LMBRD2: variants seen among roughly 807,000 people sequenced by gnomAD.
LMBRD2 encodes the protein LMBR1 domain containing 2.
LMBRD2 carries 55 observed loss-of-function variants against 94.4 expected under a neutral mutation model. The observed-to-expected ratio is 0.58, with a 90% CI of 0.47 to 0.73. LMBRD2 has a LOEUF of 0.73. LMBRD2 is among the 30% of genes least tolerant of loss of function. The pLI is 0.00. For missense variants in LMBRD2, 640 were observed against 831.9 expected (o/e 0.77, Z 2.84); for synonymous variants, 246 against 272.4 (o/e 0.90, Z 0.95).
intron 4 of LMBRD2, among the ~76,000 whole-genome samples, chr5:36,140,093 G>C (rs1388692883): frequency 6.6e-6 from 1 of 152,214 alleles, no homozygotes; most frequent in African/African-American, 2.4e-5. Context: ...TTGGAGCTCT[G>C]AGGTTTCTGG....
chr5:36,122,571 G>T, intron 8 of LMBRD2, 108 bp from the exon 9 acceptor site: 1 of 975,246 alleles, frequency 1.0e-6, no homozygotes. Context: ...AAGTGCTAGG[G>T]CATTTACTGG....
At chr5:36,137,506 T>G in intron 4 of LMBRD2, 65 bp from the exon 5 acceptor site, 6 of 1,099,238 alleles carry the variant, frequency 5.5e-6, no homozygotes, top group Non-Finnish European at 7.6e-6. Context: ...AATCTCAAAG[T>G]GCCAGAAATA....
intron 14 of LMBRD2, 125 bp downstream of exon 14, chr5:36,111,030 G>T: frequency 1.6e-6 from 1 of 611,026 alleles, no homozygotes; most frequent in East Asian, 3.0e-5. Flanking sequence ...CTAAAAATGT[G>T]CATTAATTCA....
In LMBRD2 at chr5:36,122,292, T is replaced by G; in HGVS notation, c.1108A>C (p.Asn370His). 6.3e-7 allele frequency: 1 copy of G among 1,589,030 alleles called. No individual in the cohort carries two copies. ...TCAAATTACATACCAAATGTAGGAT[T>G]ATAAAAATATTGGATAAATCGATTT... ...PENRFIQYFY[N>H]PTFEWYWECL... Residue 370 changes from asparagine (N) to histidine (H), a missense_variant, in exon 9 of 18, where the codon AAT (asparagine) becomes CAT (histidine). Coordinates refer to ENST00000296603, the MANE Select transcript of LMBRD2 (RefSeq NM_001007527.2).
chr5:36,103,462 T>C lies in LMBRD2; in HGVS notation c.*584A>G, dbSNP rs1345642994. 6.6e-6 allele frequency: 1 copy of C among 152,382 alleles called. No homozygotes were observed. The highest frequency in any genetic ancestry group is 2.4e-5 in the African/African-American group (1 of 41,406). The allele number at this position is 152,382 out of a possible 1,614,324, so 9.4% of individuals were successfully genotyped here. ...TGAAGTATAATCTTAATCTTATACA[T>C]GCAAAAATCCCCCACGAGTTTGCAA... is the stretch of plus-strand genomic sequence containing the variant. On this transcript the variant is annotated 3_prime_UTR_variant, in exon 18 of 18. Coordinates refer to ENST00000296603, the MANE Select transcript of LMBRD2 (RefSeq NM_001007527.2).
At chr5:36,111,811 A>G (rs1458888356) in intron 13 of LMBRD2, among the ~76,000 whole-genome samples, 1 of 152,122 alleles carries the variant, frequency 6.6e-6, no homozygotes. Flanking sequence ...GATAATTTAC[A>G]GATGCCTTCT....
At position 36,104,341 on chromosome 5, in the gene LMBRD2, A is replaced by G. The variant is rs575001925; in HGVS notation, c.2028-235T>C. Among the ~76,000 whole-genome samples, 12 of 152,124 alleles carry G rather than the reference A, an allele frequency of 7.9e-5. No homozygotes were observed. The South Asian group carries it at 2.3e-3, about 29-fold the overall frequency. On this transcript the variant is annotated intron_variant, in intron 17 of 17. Coordinates refer to ENST00000296603, the MANE Select transcript of LMBRD2 (RefSeq NM_001007527.2). ...ATATGCATGACAGAGTGAGAGATGT[A>G]AAAAGAAGGGGGCAGGGGATGTAAG...
intron 6 of LMBRD2, among the ~76,000 whole-genome samples, chr5:36,130,647 T>TA (rs532809259): frequency 2.3e-4 from 35 of 152,118 alleles, no homozygotes; most frequent in Non-Finnish European, 4.3e-4. Context: ...GCTGAATTGA[T>TA]AAAAAAGACA....
chr5:36,119,827 A>G (rs1743844257), intron 9 of LMBRD2, among the ~76,000 whole-genome samples: 1 of 152,040 alleles, frequency 6.6e-6, no homozygotes, highest in African/African-American at 2.4e-5. Context: ...CGATCAGAGA[A>G]TTTTCCCAAG....
intron 16 of LMBRD2, among the ~76,000 whole-genome samples, chr5:36,107,508 T>C (rs974467316): frequency 6.6e-6 from 1 of 152,256 alleles, no homozygotes; most frequent in Non-Finnish European, 1.5e-5. Context: ...CCTCTTCTAT[T>C]AGATCATCAT....
rs1288771664 is a variant in LMBRD2, at chr5:36,122,904, C to G, written c.880G>C (p.Asp294His). ...GRNMDDYEDFDEKHSIYPSEK... is the reference protein window; with the variant it reads ...GRNMDDYEDFHEKHSIYPSEK... ...CTTGGATAGATACTATGCTTTTCATCAAAATCTTCATAATCATCCATGTTC... is the reference window on the plus strand; with the variant it reads ...CTTGGATAGATACTATGCTTTTCATGAAAATCTTCATAATCATCCATGTTC... Residue 294 changes from aspartate to histidine, a missense_variant, in exon 8 of 18, where the codon GAT (aspartate) becomes CAT (histidine). Transcript: ENST00000296603. The G allele has an allele frequency of 6.3e-7, 1 of 1,582,760 alleles. No homozygotes were observed. Among genetic ancestry groups the G allele is most frequent in the Non-Finnish European group, 8.5e-7 (1 of 1,169,802 alleles).
At chr5:36,145,417 G>C (rs1480934896) in intron 1 of LMBRD2, among the ~76,000 whole-genome samples, 1 of 152,184 alleles carries the variant, frequency 6.6e-6, no homozygotes, top group Non-Finnish European at 1.5e-5. Flanking sequence ...AAATAGACAA[G>C]GTTTTGCCAT....
intron 5 of LMBRD2, among the ~76,000 whole-genome samples, chr5:36,136,895 C>T (rs1036047759): frequency 2.0e-5 from 3 of 151,700 alleles, no homozygotes; most frequent in Non-Finnish European, 2.9e-5. Context: ...TATCTAAATC[C>T]AAGGTAACAT....
chr5:36,120,549 G>A (rs1037803030), intron 9 of LMBRD2, among the ~76,000 whole-genome samples: 3 of 152,074 alleles, frequency 2.0e-5, no homozygotes, highest in Admixed American at 6.6e-5. Flanking sequence ...GTGAGCCACC[G>A]CGCCTGGCCT....
chr5:36,109,117 T>C (rs1291960704), intron 15 of LMBRD2, among the ~76,000 whole-genome samples: 1 of 152,108 alleles, frequency 6.6e-6, no homozygotes, highest in Non-Finnish European at 1.5e-5. Context: ...ATTAACTGGA[T>C]TCTACTCATT....
At chr5:36,126,661 GTTTATAAGT>G (rs1744014571) in intron 6 of LMBRD2, among the ~76,000 whole-genome samples, 1 of 152,114 alleles carries the variant, frequency 6.6e-6, no homozygotes, top group East Asian at 1.9e-4. Context: ...ATTTGACATA[GTTTATAAGT>G]TTTATTAATG....
chr5:36,140,656 G>A (rs373816498), intron 4 of LMBRD2, among the ~76,000 whole-genome samples: 2 of 152,158 alleles, frequency 1.3e-5, no homozygotes, highest in East Asian at 1.9e-4. Flanking sequence ...TCTGCTAAGA[G>A]GCTAAGAGTA....
intron 15 of LMBRD2, among the ~76,000 whole-genome samples, chr5:36,109,086 T>C (rs1393772465): frequency 6.6e-6 from 1 of 152,132 alleles, no homozygotes; most frequent in Non-Finnish European, 1.5e-5. Flanking sequence ...TTGTGTGTTA[T>C]CTTAAATGCA....
At chr5:36,130,512 GA>G (rs1435683335) in intron 6 of LMBRD2, among the ~76,000 whole-genome samples, 1 of 151,898 alleles carries the variant, frequency 6.6e-6, no homozygotes, top group African/African-American at 2.4e-5. Context: ...AGGAAGGAAG[GA>G]AAGAAAAGAA....
Sources: gnomAD v4.1 joint callset for allele counts (sites outside exome capture counted in the v4.1 genomes callset) on GRCh38, gnomAD v4.1.1 for gene constraint, MANE v1.5 for transcripts, NCBI Gene and HGNC (gene_info 2026-07-23, HGNC 2026-07-21) for gene names.